The following RBFOX1 variants were observed in gnomAD, a reference collection of about 807,000 sequenced individuals.
The protein encoded by RBFOX1 is RNA binding fox-1 homolog 1.
In RBFOX1, 8 loss-of-function variants were observed where a neutral mutation model predicts 57.7. That is an observed-to-expected ratio of 0.14 (90% CI 0.08 to 0.25). RBFOX1 has a LOEUF of 0.25. Ranked by LOEUF, RBFOX1 falls within the 10% of genes least tolerant of loss-of-function variation. RBFOX1 has a pLI of 1.00. For synonymous variants in RBFOX1, 326 were observed against 222.4 expected (o/e 1.47, Z -4.15); for missense variants, 611 against 548.5 (o/e 1.11, Z -1.14).
intron 2 of RBFOX1, among the ~76,000 whole-genome samples, chr16:6,616,551 C>T (rs1297919008): frequency 6.6e-6 from 1 of 152,176 alleles, no homozygotes; most frequent in Non-Finnish European, 1.5e-5. Flanking sequence ...TGGCGGGCGT[C>T]TGTAGTCCCA....
intron 3 of RBFOX1, among the ~76,000 whole-genome samples, chr16:6,843,632 T>C (rs1204377328): frequency 6.6e-6 from 1 of 152,172 alleles, no homozygotes; most frequent in Non-Finnish European, 1.5e-5. Flanking sequence ...GAGCTTGCAG[T>C]GAGCCGACAT....
chr16:6,459,485 G>A (rs746691528), intron 2 of RBFOX1, among the ~76,000 whole-genome samples: 3 of 152,178 alleles, frequency 2.0e-5, no homozygotes, highest in East Asian at 1.9e-4. Context: ...TATTTGAAAT[G>A]GAAGACACCT....
intron 4 of RBFOX1, among the ~76,000 whole-genome samples, chr16:5,900,360 T>C (rs1050578288): frequency 6.6e-6 from 1 of 152,008 alleles, no homozygotes; most frequent in Non-Finnish European, 1.5e-5. Flanking sequence ...ATAGCGTGTG[T>C]TTTCCTAGCA....
At chr16:5,689,826 C>T (rs1027309337) in intron 3 of RBFOX1, among the ~76,000 whole-genome samples, 2 of 151,100 alleles carry the variant, frequency 1.3e-5, no homozygotes, top group Non-Finnish European at 2.9e-5. Flanking sequence ...AGAAGGAACA[C>T]ATTTGTAAAT....
In RBFOX1 at chr16:6,388,072, C is replaced by G. The variant is rs192676762; in HGVS notation, c.-64+71015C>G. Among the ~76,000 whole-genome samples the G allele has an allele frequency of 3.4e-3, 508 of 148,314 alleles. 1 individual carries two copies. The highest frequency in any genetic ancestry group is 6.4e-3 in the Non-Finnish European group (431 of 67,662). ...TGAGCTCACTGCAACCTCTGCCTCT[C>G]GGGTTCAAGCGATTCTTCTGCCTCA... On this transcript the variant is annotated intron_variant, in intron 2 of 15. Transcript: ENST00000550418.
At chr16:6,840,796 A>C (rs2093415091) in intron 3 of RBFOX1, among the ~76,000 whole-genome samples, 1 of 150,378 alleles carries the variant, frequency 6.6e-6, no homozygotes, top group African/African-American at 2.5e-5. Context: ...CTGAGGCAGG[A>C]GAATTGCTTG....
At chr16:5,919,876 C>G (rs951570726) in intron 4 of RBFOX1, among the ~76,000 whole-genome samples, 1 of 152,186 alleles carries the variant, frequency 6.6e-6, no homozygotes, top group Non-Finnish European at 1.5e-5. Flanking sequence ...GTGACCCTTT[C>G]TCTCTGCCTT....
At chr16:6,933,084 C>G (rs192697826) in intron 3 of RBFOX1, among the ~76,000 whole-genome samples, 69 of 152,318 alleles carry the variant, frequency 4.5e-4, no homozygotes, top group Non-Finnish European at 6.8e-4. Flanking sequence ...TCTTCCCTGT[C>G]TAAGGATGAA....
intron 1 of RBFOX1, among the ~76,000 whole-genome samples, chr16:6,024,304 C>T (rs2095143510): frequency 6.6e-6 from 1 of 152,042 alleles, no homozygotes; most frequent in Non-Finnish European, 1.5e-5. Context: ...GTGGGGGAAG[C>T]CGCGTCATAA....
chr16:5,468,867 C>G (rs892804551), intron 2 of RBFOX1, among the ~76,000 whole-genome samples: 2 of 152,242 alleles, frequency 1.3e-5, no homozygotes, highest in African/African-American at 4.8e-5. Context: ...TTGGATCCAT[C>G]TCAGGACAGA....
At chr16:7,116,655 T>G (rs1206877243) in intron 4 of RBFOX1, among the ~76,000 whole-genome samples, 5 of 152,164 alleles carry the variant, frequency 3.3e-5, no homozygotes, top group African/African-American at 1.2e-4. Flanking sequence ...GCAATTCATG[T>G]GACTTGGTGG....
intron 2 of RBFOX1, among the ~76,000 whole-genome samples, chr16:5,573,641 C>T (rs912210698): frequency 6.6e-6 from 1 of 152,162 alleles, no homozygotes; most frequent in African/African-American, 2.4e-5. Flanking sequence ...CCCCTTTCCC[C>T]GTCCAGGCAT....
chr16:6,129,752 A>G (rs2096616640), intron 1 of RBFOX1, among the ~76,000 whole-genome samples: 1 of 151,896 alleles, frequency 6.6e-6, no homozygotes, highest in South Asian at 2.1e-4. Context: ...TTGACGAAAA[A>G]AAAAAACCAT....
At chr16:7,145,440 G>T (rs2074758213) in intron 4 of RBFOX1, among the ~76,000 whole-genome samples, 1 of 152,060 alleles carries the variant, frequency 6.6e-6, no homozygotes, top group Non-Finnish European at 1.5e-5. Flanking sequence ...CTCCTGACTT[G>T]AAGTGATCCA....
In RBFOX1 at chr16:5,644,182, C is replaced by T. The variant is rs114743256; in HGVS notation, c.318+45221C>T. Reference sequence around the variant, plus strand: ...TTTCCATAAGGTATAATTTTAGCCCCTTGTAGAGTTAAAGTGTGTGTGTTT... The same window carrying T: ...TTTCCATAAGGTATAATTTTAGCCCTTTGTAGAGTTAAAGTGTGTGTGTTT... On this transcript the variant is annotated intron_variant, in intron 3 of 19. Coordinates refer to the RBFOX1 transcript ENST00000641259. 5.7e-3 allele frequency among the ~76,000 whole-genome samples: 869 copies of T among 152,232 alleles called. 9 individuals are homozygous for T. Among genetic ancestry groups the T allele is most frequent in the African/African-American group, 0.02 (831 of 41,520 alleles).
chr16:6,432,788 A>C (rs2094135539), intron 2 of RBFOX1, among the ~76,000 whole-genome samples: 1 of 151,942 alleles, frequency 6.6e-6, no homozygotes, highest in African/African-American at 2.4e-5. Flanking sequence ...GACCAGTCTG[A>C]CTGATGTGGT....
chr16:6,556,109 C>T (rs992013586), intron 2 of RBFOX1, among the ~76,000 whole-genome samples: 3 of 152,146 alleles, frequency 2.0e-5, no homozygotes, highest in Non-Finnish European at 4.4e-5. Flanking sequence ...TCCTCCAGAA[C>T]TCAGGACATT....
At position 6,939,802 on chromosome 16, in the gene RBFOX1, A is replaced by G. The variant is rs76084711; in HGVS notation, c.-15-112255A>G. Among the ~76,000 whole-genome samples, 1,491 of 152,240 alleles carry G rather than the reference A, an allele frequency of 9.8e-3. 18 individuals are homozygous for G. Among genetic ancestry groups the G allele is most frequent in the African/African-American group, 0.034 (1,408 of 41,528 alleles). On this transcript the variant is annotated intron_variant, in intron 3 of 15. Transcript: ENST00000550418. ...GCTGGGATTACAGATGTCAGCCATC[A>G]TGCTGGACCAGAATTTTTCACTAAG...
intron 1 of RBFOX1, among the ~76,000 whole-genome samples, chr16:6,069,216 T>C (rs1158450853): frequency 1.3e-5 from 2 of 151,868 alleles, no homozygotes; most frequent in Non-Finnish European, 2.9e-5. Context: ...CTGACCAATA[T>C]GGAGAAACCC....
Sources: allele counts gnomAD v4.1 joint callset (sites outside exome capture counted in the v4.1 genomes callset), GRCh38; gene constraint gnomAD v4.1.1; transcripts MANE v1.5; gene names NCBI Gene and HGNC (gene_info 2026-07-23, HGNC 2026-07-21).